Variants in FREM2 observed in about 807,000 individuals in gnomAD.
FREM2 encodes the protein FRAS1 related extracellular matrix 2.
FREM2 carries 119 observed loss-of-function variants against 219.9 expected under a neutral mutation model. That is an observed-to-expected ratio of 0.54 (90% CI 0.47 to 0.63). FREM2 has a LOEUF of 0.63. Ranked by LOEUF, FREM2 falls within the 30% of genes least tolerant of loss-of-function variation. The pLI is 0.00. For missense variants in FREM2, 4,030 were observed against 3,993.6 expected, an observed-to-expected ratio of 1.01 and a Z score of -0.25; for synonymous variants, 1,562 against 1,522.8, an observed-to-expected ratio of 1.03 and a Z score of -0.60.
chr13:38,706,085 T>C (rs1368794386), intron 2 of FREM2, among the ~76,000 whole-genome samples: 7 of 152,196 alleles, frequency 4.6e-5, no homozygotes, highest in Non-Finnish European at 8.8e-5. Context: ...TAACAGAAAT[T>C]TTTAAAAACC....
At chr13:38,780,657 C>T (rs1272918817) in intron 4 of FREM2, among the ~76,000 whole-genome samples, 2 of 152,208 alleles carry the variant, frequency 1.3e-5, no homozygotes, top group African/African-American at 4.8e-5. Flanking sequence ...AAATACAACT[C>T]TGCAGCACAA....
intron 3 of FREM2, among the ~76,000 whole-genome samples, chr13:38,765,112 G>A (rs1182537891): frequency 3.9e-5 from 6 of 152,152 alleles, no homozygotes; most frequent in East Asian, 3.9e-4. Flanking sequence ...GGGTTTCACC[G>A]TGTTAGCCAG....
Position 38,784,675 on chromosome 13 carries a change from G to T in FREM2, c.5886G>T (p.Arg1962=). 1.2e-6 allele frequency: 2 copies of T among 1,614,156 alleles called. No homozygotes were observed. Among genetic ancestry groups the T allele is most frequent in the Admixed American group, 1.7e-5 (1 of 60,038 alleles). ...AAGATGAACGGGAGAAACTGTGTCG[G>T]ATAGTCATAATTGATGACTCTTTGT... is the stretch of plus-strand genomic sequence containing the variant. ...FDKDEREKLC[R]IVIIDDSLYE... Residue 1962 remains arginine (R), a synonymous_variant, in exon 6 of 24, where the codon CGG becomes CGT. Coordinates refer to ENST00000280481, the MANE Select transcript of FREM2 (RefSeq NM_207361.6).
rs757803671 is a variant in FREM2 at position 38,689,734 on chromosome 13, C to T, written c.2390C>T (p.Thr797Ile). 1 of 1,613,310 alleles carries T rather than the reference C, an allele frequency of 6.2e-7. No homozygotes were observed. Among genetic ancestry groups the T allele is most frequent in the Admixed American group, 1.7e-5 (1 of 59,952 alleles). Reference protein sequence around the residue: ...RPPGQELGVATRVAQFQFQVE... With the variant: ...RPPGQELGVAIRVAQFQFQVE... ...CCGGGTCAAGAACTGGGCGTGGCTA[C>T]TCGAGTGGCCCAGTTCCAGTTCCAG... is the stretch of plus-strand genomic sequence containing the variant. Residue 797 changes from threonine to isoleucine, a missense_variant, in exon 1 of 24, where the codon ACT (threonine) becomes ATT (isoleucine). By Grantham distance (89) the Thr-to-Ile change is moderately conservative. Around this residue, in one of 2 missense-constraint regions of FREM2, gnomAD observed 3,102 missense variants for 2,950.7 expected, o/e 1.05. Coordinates refer to ENST00000280481, the MANE Select transcript of FREM2 (RefSeq NM_207361.6).
chr13:38,840,864 T>C lies in FREM2; in HGVS notation c.6020-5709T>C, dbSNP rs547992456. Among the ~76,000 whole-genome samples the C allele has an allele frequency of 5.3e-4, 81 of 152,202 alleles. 1 individual carries two copies. The highest frequency in any genetic ancestry group is 9.6e-4 in the Non-Finnish European group (65 of 68,002). ...CCTAATACAAATGAATGAAATACAA[T>C]GAACAATCCTTTGTATGCATCTTTG... On this transcript the variant is annotated intron_variant, in intron 6 of 23. Coordinates refer to ENST00000280481, the MANE Select transcript of FREM2 (RefSeq NM_207361.6).
intron 6 of FREM2, among the ~76,000 whole-genome samples, chr13:38,799,677 T>C (rs922594062): frequency 6.6e-6 from 1 of 152,060 alleles, no homozygotes; most frequent in Admixed American, 6.6e-5. Flanking sequence ...TGGATTGTTA[T>C]ATTCTCTTGT....
intron 6 of FREM2, among the ~76,000 whole-genome samples, chr13:38,802,875 G>A (rs978823514): frequency 6.6e-6 from 1 of 152,128 alleles, no homozygotes; most frequent in African/African-American, 2.4e-5. Flanking sequence ...AGGGAATATG[G>A]AGCCCTGGGG....
intron 11 of FREM2, among the ~76,000 whole-genome samples, chr13:38,853,389 A>G (rs1051851641): frequency 1.3e-5 from 2 of 151,940 alleles, no homozygotes; most frequent in Non-Finnish European, 2.9e-5. Flanking sequence ...TTGCTTACAA[A>G]ATAAAAGTAA....
chr13:38,691,295 G>A lies in FREM2; in HGVS notation c.3951G>A (p.Gly1317=). 8 of 1,613,824 alleles carry A rather than the reference G, an allele frequency of 5.0e-6. No individual in the cohort carries two copies. The highest frequency in any genetic ancestry group is 6.8e-6 in the Non-Finnish European group (8 of 1,179,832). Residue 1317 remains glycine, a synonymous_variant, in exon 1 of 24, where the codon GGG becomes GGA. Transcript: ENST00000280481. ...ATAATGGACTAGAAATAGAAATTGG[G>A]GATACCAAGATTATCAACAACAAAA... ...TINNGLEIEI[G]DTKIINNKIL...
chr13:38,718,012 C>T (rs112174489), intron 2 of FREM2, among the ~76,000 whole-genome samples: 1 of 152,116 alleles, frequency 6.6e-6, no homozygotes. Context: ...AAATAACCAA[C>T]CAGAAAGAAT....
Position 38,688,758 on chromosome 13 carries a change from G to A in FREM2, c.1414G>A (p.Asp472Asn), listed in dbSNP as rs779885596. 16 of 1,613,928 alleles carry A rather than the reference G, an allele frequency of 9.9e-6. No homozygotes were observed. Among genetic ancestry groups the A allele is most frequent in the East Asian group, 2.2e-5 (1 of 44,882 alleles). ...TGGTCCGCAAAACTTGGTCATCAGC[G>A]ATGAGGATGACCTAGAAGCAGTGCG... ...GSGPQNLVISDEDDLEAVRLE... is the reference protein window; with the variant it reads ...GSGPQNLVISNEDDLEAVRLE... Residue 472 changes from aspartate to asparagine, a missense_variant, in exon 1 of 24, where the codon GAT becomes AAT. Physicochemically the swap from Asp to Asn is conservative, Grantham distance 23. Around this residue, in one of 2 missense-constraint regions of FREM2, gnomAD observed 3,102 missense variants for 2,950.7 expected, o/e 1.05. Transcript: ENST00000280481.
chr13:38,768,980 TG>T (rs753219068), intron 3 of FREM2, among the ~76,000 whole-genome samples: 1 of 152,240 alleles, frequency 6.6e-6, no homozygotes, highest in Non-Finnish European at 1.5e-5. Flanking sequence ...CATGGAATTC[TG>T]GGGTGTTCCA....
At chr13:38,860,987 A>G (rs930102110) in intron 14 of FREM2, among the ~76,000 whole-genome samples, 5 of 152,244 alleles carry the variant, frequency 3.3e-5, no homozygotes, top group Non-Finnish European at 7.3e-5. Flanking sequence ...TTCACTTATA[A>G]GTAATGTAAA....
chr13:38,791,164 C>A (rs1874544866), intron 6 of FREM2, among the ~76,000 whole-genome samples: 1 of 152,148 alleles, frequency 6.6e-6, no homozygotes, highest in African/African-American at 2.4e-5. Flanking sequence ...AAAATAGATG[C>A]AGTACTTCTT....
intron 4 of FREM2, among the ~76,000 whole-genome samples, chr13:38,777,949 G>A (rs760771704): frequency 3.9e-5 from 6 of 152,254 alleles, no homozygotes; most frequent in Non-Finnish European, 7.3e-5. Context: ...CCAGACACTC[G>A]GTTTTCTTTT....
At chr13:38,754,843 G>A (rs1372680635) in intron 2 of FREM2, among the ~76,000 whole-genome samples, 1 of 150,560 alleles carries the variant, frequency 6.6e-6, no homozygotes, top group African/African-American at 2.4e-5. Context: ...CAAAGCCCAT[G>A]CCACTGGTTG....
chr13:38,855,685 T>G (rs1877527288), intron 11 of FREM2, among the ~76,000 whole-genome samples: 1 of 151,972 alleles, frequency 6.6e-6, no homozygotes, highest in Admixed American at 6.6e-5. Flanking sequence ...GCTATGAGGA[T>G]GCAAAGGCAT....
chr13:38,723,839 T>C (rs1362849915), intron 2 of FREM2, among the ~76,000 whole-genome samples: 1 of 152,212 alleles, frequency 6.6e-6, no homozygotes, highest in East Asian at 1.9e-4. Context: ...TATTTAATTG[T>C]CATTACTCTC....
intron 12 of FREM2, among the ~76,000 whole-genome samples, chr13:38,856,718 T>G (rs1877573480): frequency 1.5e-5 from 2 of 134,518 alleles, no homozygotes; most frequent in South Asian, 4.6e-4. Flanking sequence ...GTCCACAGCC[T>G]CATGATCAAA....
Sources: allele counts gnomAD v4.1 joint callset (sites outside exome capture counted in the v4.1 genomes callset), GRCh38; gene constraint gnomAD v4.1.1; regional missense constraint gnomAD v4.1.1; transcripts MANE v1.5; gene names NCBI Gene and HGNC (gene_info 2026-07-23, HGNC 2026-07-21).